CRYBG3: variants seen among roughly 807,000 people sequenced by gnomAD.
CRYBG3 encodes the protein very large A-kinase anchor protein.
In CRYBG3, 127 loss-of-function variants were observed where a neutral mutation model predicts 244.2. The observed-to-expected ratio is 0.52, with a 90% CI of 0.45 to 0.60. The LOEUF (loss-of-function observed/expected upper bound fraction) is 0.60. Ranked by LOEUF, CRYBG3 falls within the 20% of genes least tolerant of loss-of-function variation. The probability of loss-of-function intolerance (pLI) is 0.00; values close to 1 mark genes in which losing one functional copy is unlikely to be tolerated. For synonymous variants in CRYBG3, 1,132 were observed against 1,195.8 expected (o/e 0.95, Z 1.10); for missense variants, 3,325 against 3,442.5 (o/e 0.97, Z 0.85).
Position 97,875,264 on chromosome 3 carries a change from A to C in CRYBG3, c.4070A>C (p.Glu1357Ala), listed in dbSNP as rs2039357118. Residue 1357 changes from glutamate (E) to alanine (A), a missense_variant, in exon 4 of 22, where the codon GAG becomes GCG. Physicochemically the swap from Glu to Ala is moderately radical, Grantham distance 107 (BLOSUM62 -1). This residue lies in a region of CRYBG3 where 635 missense variants were observed against 771.7 expected (regional missense o/e 0.82). Transcript: ENST00000389622. ...GTTAAGCCACATGATGTAGTTAGAG[A>C]GTTCTTGGTTTCAGAACAGCCAGTA... ...DSVKPHDVVREFLVSEQPVNQ... is the reference protein window; with the variant it reads ...DSVKPHDVVRAFLVSEQPVNQ... The C allele has an allele frequency of 6.8e-7, 1 of 1,481,208 alleles. No individual in the cohort carries two copies. The highest frequency in any genetic ancestry group is 1.4e-5 in the African/African-American group (1 of 70,476). The allele number at this position is 1,481,208 out of a possible 1,614,324, so 91.8% of individuals were successfully genotyped here. A position where few individuals can be genotyped will look rare whatever the true frequency, so the allele number is the denominator to read the frequency against.
At chr3:97,864,786 G>A (rs571592495) in intron 3 of CRYBG3, 139 bp downstream of exon 3, 40 of 637,010 alleles carry the variant, frequency 6.3e-5, no homozygotes, top group Middle Eastern at 6.7e-4. Context: ...GAAATTGTAT[G>A]ATTCTCTGTA....
Position 97,871,993 on chromosome 3 carries a change from A to G in CRYBG3, c.799A>G (p.Arg267Gly). ...TGAAAGTTCTGACTCTAGTACAAAC[A>G]GACACATTGACCCTGGAAGTGAGAT... ...ENESSDSSTN[R>G]HIDPGSEIEA... The change falls in exon 4 of 22, where the codon AGA becomes GGA. Residue 267 changes from arginine (R) to glycine (G), a missense_variant. Transcript: ENST00000389622. The G allele has an allele frequency of 3.3e-6, 5 of 1,535,914 alleles. No homozygotes were observed. Among genetic ancestry groups the G allele is most frequent in the Non-Finnish European group, 4.4e-6 (5 of 1,146,756 alleles).
intron 15 of CRYBG3, among the ~76,000 whole-genome samples, chr3:97,911,349 CTT>C (rs1271689897): frequency 6.6e-6 from 1 of 152,030 alleles, no homozygotes; most frequent in South Asian, 2.1e-4. Context: ...TTTACGGGCT[CTT>C]TAATTTTTTT....
At chr3:97,837,942 A>T (rs774781810) in intron 1 of CRYBG3, among the ~76,000 whole-genome samples, 1 of 152,056 alleles carries the variant, frequency 6.6e-6, no homozygotes, top group African/African-American at 2.4e-5. Flanking sequence ...CAGGTGCATT[A>T]CAGGAGGGGA....
intron 2 of CRYBG3, among the ~76,000 whole-genome samples, chr3:97,848,174 CAGTG>C (rs1284016071): frequency 2.0e-5 from 3 of 152,160 alleles, no homozygotes; most frequent in Non-Finnish European, 4.4e-5. Flanking sequence ...AACTCTTTCT[CAGTG>C]AGAGTAAAAT....
At chr3:97,880,658 T>C (rs1455919338) in intron 6 of CRYBG3, among the ~76,000 whole-genome samples, 1 of 152,214 alleles carries the variant, frequency 6.6e-6, no homozygotes, top group East Asian at 1.9e-4. Context: ...AATCATATGG[T>C]GTAATCTCGT....
In CRYBG3 at chr3:97,822,047, C is replaced by T. The variant is rs1286066107; in HGVS notation, c.-160C>T. 2 of 494,322 alleles carry T rather than the reference C, an allele frequency of 4.0e-6. No individual in the cohort carries two copies. The highest frequency in any genetic ancestry group is 8.8e-5 in the Admixed American group (2 of 22,780). The allele number at this position is 494,322 out of a possible 1,614,324, so 30.6% of individuals were successfully genotyped here. A position where few individuals can be genotyped will look rare whatever the true frequency, so the allele number is the denominator to read the frequency against. On this transcript the variant is annotated 5_prime_UTR_variant, in exon 1 of 22. Transcript: ENST00000389622. ...CTGCCGCGCGAGGAGCGCGTCGCGT[C>T]CGCACTTCTCCTGCCCGAGAGAGAC...
intron 2 of CRYBG3, among the ~76,000 whole-genome samples, chr3:97,851,148 A>C (rs2038980795): frequency 6.6e-6 from 1 of 151,962 alleles, no homozygotes; most frequent in Non-Finnish European, 1.5e-5. Context: ...AAAAAAAAAA[A>C]AATTTTAGCA....
Position 97,877,135 on chromosome 3 carries a change from G to T in CRYBG3, c.5941G>T (p.Asp1981Tyr). The change falls in exon 4 of 22, where the codon GAC becomes TAC. Residue 1981 changes from aspartate to tyrosine, a missense_variant. This residue lies in a region of CRYBG3 where 450 missense variants were observed against 424.1 expected (regional missense o/e 1.06). Transcript: ENST00000389622. ...YDKRRETDYS[D>Y]KGYNLAFVSQ... ...CAAGAGGAGAGAGACAGATTATAGT[G>T]ACAAAGGATATAATTTAGCTTTTGT... 1 of 1,613,814 alleles carries T rather than the reference G, an allele frequency of 6.2e-7. No individual in the cohort carries two copies. Among genetic ancestry groups the T allele is most frequent in the South Asian group, 1.1e-5 (1 of 91,034 alleles).
chr3:97,891,237 G>A (rs761220779), intron 10 of CRYBG3, among the ~76,000 whole-genome samples: 1 of 152,100 alleles, frequency 6.6e-6, no homozygotes, highest in African/African-American at 2.4e-5. Flanking sequence ...CGAACACAGG[G>A]ATATACTTAT....
At chr3:97,822,663 T>G (rs2038520719) in intron 1 of CRYBG3, among the ~76,000 whole-genome samples, 2 of 152,186 alleles carry the variant, frequency 1.3e-5, no homozygotes, top group Non-Finnish European at 2.9e-5. Context: ...GTGATTGGGT[T>G]CCCGTTCCAC....
At chr3:97,845,861 T>C (rs1305190705) in intron 2 of CRYBG3, among the ~76,000 whole-genome samples, 1 of 152,232 alleles carries the variant, frequency 6.6e-6, no homozygotes, top group African/African-American at 2.4e-5. Context: ...GAATCTGGTT[T>C]CCTTTCCTTT....
intron 2 of CRYBG3, among the ~76,000 whole-genome samples, chr3:97,861,163 A>G (rs1484893176): frequency 6.6e-6 from 1 of 152,116 alleles, no homozygotes; most frequent in Non-Finnish European, 1.5e-5. Context: ...TCTGTGCTCC[A>G]GTCTTCATCA....
chr3:97,889,489 A>G, intron 10 of CRYBG3, 99 bp downstream of exon 10: 1 of 991,814 alleles, frequency 1.0e-6, no homozygotes. Context: ...ACCTCCACAT[A>G]TGATTATACT....
At chr3:97,834,164 A>C (rs1475633790) in intron 1 of CRYBG3, among the ~76,000 whole-genome samples, 1 of 152,132 alleles carries the variant, frequency 6.6e-6, no homozygotes, top group Non-Finnish European at 1.5e-5. Context: ...AAACCATAGC[A>C]CTTGCATACT....
intron 3 of CRYBG3, among the ~76,000 whole-genome samples, chr3:97,867,421 C>G (rs938944743): frequency 6.6e-6 from 1 of 152,116 alleles, no homozygotes; most frequent in African/African-American, 2.4e-5. Context: ...GACTTTCAGG[C>G]TGCTATTACA....
At chr3:97,847,076 T>G (rs1466471748) in intron 2 of CRYBG3, among the ~76,000 whole-genome samples, 2 of 152,046 alleles carry the variant, frequency 1.3e-5, no homozygotes, top group Non-Finnish European at 1.5e-5. Context: ...CACACACTTC[T>G]AAACAACCAG....
Position 97,943,397 on chromosome 3 carries a change from A to C in CRYBG3, c.*83A>C, listed in dbSNP as rs1347274462. The C allele has an allele frequency of 8.8e-6, 7 of 792,632 alleles. No homozygotes were observed. The highest frequency in any genetic ancestry group is 1.1e-5 in the Non-Finnish European group (5 of 468,852). 49.1% of individuals were successfully genotyped at this position (792,632 alleles called of 1,614,324 possible). ...CATTGTCTTGTGGACGTGGAAAGGA[A>C]GCTACTGTCCTCACACTCCTGGATC... On this transcript the variant is annotated 3_prime_UTR_variant, in exon 22 of 22. Transcript: ENST00000389622.
At position 97,933,853 on chromosome 3, in the gene CRYBG3, T is replaced by G. The variant is rs369201176; in HGVS notation, c.8381+20T>G. 4.1e-5 allele frequency: 66 copies of G among 1,608,028 alleles called. 1 individual carries two copies. Among genetic ancestry groups the G allele is most frequent in the African/African-American group, 3.6e-4 (27 of 74,808 alleles). On this transcript the variant is annotated intron_variant, in intron 18 of 21. Coordinates refer to ENST00000389622, the MANE Select transcript of CRYBG3 (RefSeq NM_153605.4). ...TGGACTGTAAGTATGGGAAAAAGGC[T>G]TGGTCTGGTTCAGTTACTGTTTTAA...
Sources: gnomAD v4.1 joint callset for allele counts (sites outside exome capture counted in the v4.1 genomes callset) on GRCh38, gnomAD v4.1.1 for gene constraint, gnomAD v4.1.1 regional missense constraint, MANE v1.5 for transcripts, NCBI Gene and HGNC (gene_info 2026-07-23, HGNC 2026-07-21) for gene names.